ABCA8: variants seen among roughly 807,000 people sequenced by gnomAD.
ABCA8 encodes ATP binding cassette subfamily A member 8.
A neutral mutation model predicts 192.3 loss-of-function variants in ABCA8; 177 were observed. The ratio of observed to expected loss-of-function variants is 0.92; its 90% CI spans 0.81 to 1.04. ABCA8 has a LOEUF of 1.04. ABCA8 is among the 50% of genes least tolerant of loss of function. ABCA8 has a pLI of 0.00. For missense variants in ABCA8, 1,915 were observed against 1,904.8 expected, an observed-to-expected ratio of 1.01 and a Z score of -0.10; for synonymous variants, 642 against 690.2, an observed-to-expected ratio of 0.93 and a Z score of 1.09.
intron 29 of ABCA8, 82 bp from the exon 30 acceptor site, chr17:68,882,801 G>T: frequency 7.5e-7 from 1 of 1,336,426 alleles, no homozygotes; most frequent in Non-Finnish European, 1.0e-6. Context: ...GCATATGTTT[G>T]AGTAGTACGA....
At chr17:68,882,815 A>G in intron 29 of ABCA8, 96 bp from the exon 30 acceptor site, 1 of 1,164,818 alleles carries the variant, frequency 8.6e-7, no homozygotes, top group East Asian at 2.4e-5. Context: ...AGTACGAGCA[A>G]TTAACAAACC....
At chr17:68,946,440 T>A (rs2068411431) in intron 2 of ABCA8, among the ~76,000 whole-genome samples, 1 of 152,188 alleles carries the variant, frequency 6.6e-6, no homozygotes, top group Non-Finnish European at 1.5e-5. Flanking sequence ...ATAAGATTGC[T>A]TCCTAGTCAA....
intron 17 of ABCA8, among the ~76,000 whole-genome samples, chr17:68,914,159 A>C (rs1020592510): frequency 4.6e-5 from 7 of 152,136 alleles, no homozygotes; most frequent in African/African-American, 7.2e-5. Context: ...TCTCAACAAA[A>C]TAAAAGCCAT....
intron 27 of ABCA8, chr17:68,884,822 G>C (rs2066420188): frequency 1.0e-6 from 1 of 985,218 alleles, no homozygotes; most frequent in Admixed American, 6.1e-5. Context: ...CAGTCAGCCA[G>C]AAAAAAGGAC....
Position 68,889,305 on chromosome 17 carries a change from C to T in ABCA8, c.3145-1799G>A, listed in dbSNP as rs559321785. ...TGGGTTATTAATCATATAAATTCAC[C>T]GCCTAAGATTGCCACTCAAAATCTG... On this transcript the variant is annotated intron_variant, in intron 24 of 39. Coordinates refer to ENST00000586539, the MANE Select transcript of ABCA8 (RefSeq NM_001288985.2). 3.9e-5 allele frequency among the ~76,000 whole-genome samples: 6 copies of T among 152,194 alleles called. No individual in the cohort carries two copies. In the South Asian group the frequency reaches 1.2e-3, roughly 32 times the overall value.
rs2066242409 is a variant in ABCA8 at position 68,877,674 on chromosome 17, T to C, written c.4044A>G (p.Leu1348=). Residue 1348 remains leucine, a synonymous_variant, in exon 33 of 40, where the codon CTA becomes CTG. Transcript: ENST00000586539. The part of the protein sequence containing the change: ...GDTKPTAGQV[L]LKGSGGGDAL... ...CATCCCCTCCACCGCTCCCTTTCAG[T>C]AGCACCTGCAGATGAAAGTTCCCTC... 1 of 1,609,720 alleles carries C rather than the reference T, an allele frequency of 6.2e-7. No homozygotes were observed. Among genetic ancestry groups the C allele is most frequent in the Admixed American group, 1.7e-5 (1 of 59,642 alleles).
rs558911963 is a variant in ABCA8, at chr17:68,902,797, C to T, written c.2680G>A (p.Glu894Lys). 1 of 1,613,502 alleles carries T rather than the reference C, an allele frequency of 6.2e-7. No homozygotes were observed. Among genetic ancestry groups the T allele is most frequent in the African/African-American group, 1.3e-5 (1 of 74,868 alleles). Reference protein sequence around the residue: ...VKIYQNSYTWELSPHLYFLAP... With the variant: ...VKIYQNSYTWKLSPHLYFLAP... ...AGGAAATACAAATGAGGAGAAAGTT[C>T]CCAGGTGTAACTGTTTTGATATATT... The change falls in exon 21 of 40, where the codon GAA becomes AAA. Residue 894 changes from glutamate to lysine, a missense_variant. Coordinates refer to ENST00000586539, the MANE Select transcript of ABCA8 (RefSeq NM_001288985.2).
At chr17:68,940,985 TAA>T in intron 3 of ABCA8, 23 bp from the exon 4 acceptor site, 1 of 1,539,068 alleles carries the variant, frequency 6.5e-7, no homozygotes, top group Middle Eastern at 1.8e-4. Flanking sequence ...GGAAAAAAGA[TAA>T]AGAAAAGTCT....
Position 68,868,197 on chromosome 17 carries a change from A to T in ABCA8, c.4768-14T>A. On this transcript the variant is annotated splice_polypyrimidine_tract_variant and intron_variant, in intron 39 of 39. Coordinates refer to ENST00000586539, the MANE Select transcript of ABCA8 (RefSeq NM_001288985.2). ...CTCCAGGAAAACCTGAAAGGGAGGA[A>T]GGAAATAAAGAGAGGAGAACAATGC... 1.9e-6 allele frequency: 3 copies of T among 1,611,756 alleles called. No individual in the cohort carries two copies. Among genetic ancestry groups the T allele is most frequent in the Non-Finnish European group, 2.5e-6 (3 of 1,178,458 alleles).
At position 68,917,342 on chromosome 17, in the gene ABCA8, CCTT is replaced by C; in HGVS notation, c.2138+16_2138+18del. 6.5e-7 allele frequency: 1 copy of C among 1,529,980 alleles called. No individual in the cohort carries two copies. Among genetic ancestry groups the C allele is most frequent in the Non-Finnish European group, 9.0e-7 (1 of 1,111,412 alleles). The allele number at this position is 1,529,980 out of a possible 1,614,324, so 94.8% of individuals were successfully genotyped here. ...AGCCTTACACTAGATCTACTCCCAG[CCTT>C]CTTAAGTGACCTTACCTTAAGTGAT... On this transcript the variant is annotated intron_variant, in intron 17 of 39. Coordinates refer to ENST00000586539, the MANE Select transcript of ABCA8 (RefSeq NM_001288985.2).
At chr17:68,880,092 T>A (rs1161683964) in intron 32 of ABCA8, 1 of 152,152 alleles carries the variant, frequency 6.6e-6, no homozygotes, top group East Asian at 1.9e-4. Context: ...GAGTGAGAAC[T>A]TATGATGCTT....
Position 68,877,658 on chromosome 17 carries a change from C to T in ABCA8, c.4060G>A (p.Gly1354Arg). The T allele has an allele frequency of 1.2e-6, 2 of 1,612,452 alleles. No individual in the cohort carries two copies. Among genetic ancestry groups the T allele is most frequent in the South Asian group, 1.1e-5 (1 of 90,780 alleles). Residue 1354 changes from glycine to arginine, a missense_variant, in exon 33 of 40, where the codon GGA becomes AGA. Gly to Arg is a moderately radical substitution (Grantham distance 125). Coordinates refer to ENST00000586539, the MANE Select transcript of ABCA8 (RefSeq NM_001288985.2). ...CCCAGGAACTCCAGGGCATCCCCTC[C>T]ACCGCTCCCTTTCAGTAGCACCTGC... ...AGQVLLKGSG[G>R]GDALEFLGYC...
chr17:68,869,349 A>G (rs2065990334), intron 38 of ABCA8, among the ~76,000 whole-genome samples: 1 of 152,202 alleles, frequency 6.6e-6, no homozygotes, highest in Admixed American at 6.5e-5. Flanking sequence ...ATAATATGCC[A>G]GTCCACGGAA....
chr17:68,869,534 G>T (rs1290127310), intron 38 of ABCA8, among the ~76,000 whole-genome samples, 166 bp downstream of exon 38: 1 of 152,140 alleles, frequency 6.6e-6, no homozygotes, highest in African/African-American at 2.4e-5. Context: ...CAGACACAGA[G>T]AATCCCTCTA....
intron 13 of ABCA8, 42 bp from the exon 14 acceptor site, chr17:68,919,518 T>C (rs1194550777): frequency 6.6e-7 from 1 of 1,506,312 alleles, no homozygotes; most frequent in Non-Finnish European, 9.1e-7. Context: ...AGGCTTAAGA[T>C]ATTTCTTAAT....
rs530154281 is a variant in ABCA8 at position 68,894,236 on chromosome 17, A to T, written c.2973T>A (p.Asn991Lys). 6.2e-5 allele frequency: 100 copies of T among 1,613,326 alleles called. 1 individual carries two copies. The East Asian group carries it at 2.0e-3, about 33-fold the overall frequency. The change falls in exon 23 of 40, where the codon AAT becomes AAA. Residue 991 changes from asparagine (N) to lysine (K), a missense_variant. Transcript: ENST00000586539. ...CFPVLMDIVS[N>K]GLLGMVKPSV... Reference sequence around the variant, plus strand: ...ATGGTTTAACCATTCCAAGTAGCCCATTACTAACAATGTCCATAAGAACTG... The same window carrying T: ...ATGGTTTAACCATTCCAAGTAGCCCTTTACTAACAATGTCCATAAGAACTG...
intron 24 of ABCA8, among the ~76,000 whole-genome samples, chr17:68,887,899 TATATATATCC>T (rs1246335074): frequency 2.1e-3 from 119 of 57,002 alleles, no homozygotes; most frequent in East Asian, 7.9e-3. Flanking sequence ...TATATATATA[TATATATATCC>T]ATATATATAT....
Position 68,907,816 on chromosome 17 carries a change from A to AAT in ABCA8, c.2201_2202insAT (p.Asp735LeufsTer19). ...CGCTTTTGGCTGATAATTTGGCATCAGGGATGTGCTGTTTAACAAGTGATG... is the reference window on the plus strand; with the variant it reads ...CGCTTTTGGCTGATAATTTGGCATCAATGGGATGTGCTGTTTAACAAGTGATG... On this transcript the variant is annotated frameshift_variant, in exon 18 of 40. Coordinates refer to ENST00000586539, the MANE Select transcript of ABCA8 (RefSeq NM_001288985.2). LOFTEE classifies it high-confidence loss of function. 1 of 1,610,734 alleles carries AAT rather than the reference A, an allele frequency of 6.2e-7. No homozygotes were observed. Among genetic ancestry groups the AAT allele is most frequent in the Non-Finnish European group, 8.5e-7 (1 of 1,178,532 alleles).
Position 68,881,985 on chromosome 17 carries a change from A to G in ABCA8, c.3829-5T>C. ...GCTGGCAATGATGACTGGCTTCTGT[A>G]AATGACAAGAAGTTATTATGTCAGA... On this transcript the variant is annotated splice_region_variant and splice_polypyrimidine_tract_variant and intron_variant, in intron 30 of 39. Transcript: ENST00000586539. 6.2e-7 allele frequency: 1 copy of G among 1,609,168 alleles called. No homozygotes were observed.
Sources: allele counts gnomAD v4.1 joint callset (sites outside exome capture counted in the v4.1 genomes callset), GRCh38; gene constraint gnomAD v4.1.1; transcripts MANE v1.5; gene names NCBI Gene and HGNC (gene_info 2026-07-23, HGNC 2026-07-21).